RADIL: variants seen among roughly 807,000 people sequenced by gnomAD.
RADIL encodes the protein Rap associating with DIL domain.
In RADIL, 99 loss-of-function variants were observed where a neutral mutation model predicts 97.6. The ratio of observed to expected loss-of-function variants is 1.01; its 90% confidence interval spans 0.86 to 1.20. The LOEUF (loss-of-function observed/expected upper bound fraction) is 1.20. RADIL is among the 50% of genes most tolerant of loss of function. The pLI is 0.00. For synonymous variants in RADIL, 803 were observed against 691.8 expected, an observed-to-expected ratio of 1.16 and a Z score of -2.52; for missense variants, 1,765 against 1,498.9, an observed-to-expected ratio of 1.18 and a Z score of -2.93.
chr7:4,799,618 C>G lies in RADIL; in HGVS notation c.3122+12G>C. The G allele has an allele frequency of 6.2e-7, 1 of 1,604,898 alleles. No individual in the cohort carries two copies. Among genetic ancestry groups the G allele is most frequent in the Non-Finnish European group, 8.5e-7 (1 of 1,175,522 alleles). ...TGGGAGAAGGGGCCGGGCGTGCATGCGGTGGGGGTACCTCAGGTAGCCAAG... is the reference window on the plus strand; with the variant it reads ...TGGGAGAAGGGGCCGGGCGTGCATGGGGTGGGGGTACCTCAGGTAGCCAAG... On this transcript the variant is annotated intron_variant, in intron 14 of 14. Coordinates refer to ENST00000399583, the MANE Select transcript of RADIL (RefSeq NM_018059.5).
chr7:4,829,960 T>A (rs1255581694), intron 5 of RADIL, among the ~76,000 whole-genome samples: 1 of 152,204 alleles, frequency 6.6e-6, no homozygotes, highest in East Asian at 1.9e-4. Flanking sequence ...CGCAAACCTC[T>A]GTGTACCACA....
At chr7:4,845,953 C>G (rs1326821320) in intron 2 of RADIL, among the ~76,000 whole-genome samples, 1 of 152,102 alleles carries the variant, frequency 6.6e-6, no homozygotes, top group Non-Finnish European at 1.5e-5. Context: ...CCCCGGGAAG[C>G]TGTGAGCCCT....
rs1329169844 is a variant in RADIL at position 4,849,100 on chromosome 7, T to G, written c.536-12495A>C. 6.7e-6 allele frequency among the ~76,000 whole-genome samples: 1 copy of G among 149,354 alleles called. No individual in the cohort carries two copies. Among genetic ancestry groups the G allele is most frequent in the Non-Finnish European group, 1.5e-5 (1 of 67,716 alleles). On this transcript the variant is annotated intron_variant, in intron 2 of 14. Transcript: ENST00000399583. The surrounding 1 kb of genome is among the most constrained non-coding windows in gnomAD (Gnocchi z 5.4). ...TTGTGGTGAGCCGAGATCGTGCCAT[T>G]GCACTCCAGCCTGGGCAACAAGAGG...
chr7:4,879,169 C>A lies in RADIL; in HGVS notation c.-64-966G>T, dbSNP rs368185312. Among the ~76,000 whole-genome samples the A allele has an allele frequency of 3.3e-5, 5 of 152,326 alleles. No homozygotes were observed. The highest frequency in any genetic ancestry group is 3.9e-4 in the East Asian group (2 of 5,164). On this transcript the variant is annotated intron_variant, in intron 1 of 14. Coordinates refer to ENST00000399583, the MANE Select transcript of RADIL (RefSeq NM_018059.5). This position sits in a 1 kb window ranked among gnomAD's most constrained non-coding sequence, Gnocchi z 4.1. The stretch of plus-strand genomic sequence containing the variant: ...CAGGCGTCCCGCCCACCACAGGCCG[C>A]GGGTGCCCGGCGCTCCAGGCCACAG...
At chr7:4,850,682 G>A (rs987305677) in intron 2 of RADIL, among the ~76,000 whole-genome samples, 1 of 152,122 alleles carries the variant, frequency 6.6e-6, no homozygotes, top group Non-Finnish European at 1.5e-5. Flanking sequence ...GAGATGCAGA[G>A]ACTTCAGTCC....
In RADIL at chr7:4,817,078, T is replaced by C. The variant is rs1401618981; in HGVS notation, c.1728+161A>G. On this transcript the variant is annotated intron_variant, in intron 7 of 14. Coordinates refer to ENST00000399583, the MANE Select transcript of RADIL (RefSeq NM_018059.5). The surrounding 1 kb of genome is among the most constrained non-coding windows in gnomAD (Gnocchi z 8.3). ...CGGGTGTGGGGGGTGCAGCTGGGCC[T>C]GTGCAGAACCTGCAGCCACTGCTCC... 1.3e-5 allele frequency among the ~76,000 whole-genome samples: 2 copies of C among 152,136 alleles called. No individual in the cohort carries two copies. The highest frequency in any genetic ancestry group is 4.8e-5 in the African/African-American group (2 of 41,436).
chr7:4,812,490 C>T (rs1009302061), intron 9 of RADIL, among the ~76,000 whole-genome samples: 3 of 151,928 alleles, frequency 2.0e-5, no homozygotes, highest in Admixed American at 1.3e-4. Flanking sequence ...GGCATGATCT[C>T]GGCTCACTGC....
chr7:4,849,726 C>T lies in RADIL; in HGVS notation c.536-13121G>A, dbSNP rs1344612794. On this transcript the variant is annotated intron_variant, in intron 2 of 14. Transcript: ENST00000399583. This position sits in a 1 kb window ranked among gnomAD's most constrained non-coding sequence, Gnocchi z 5.4. ...ACTGTGTGGGGAGTGTGGACAGGGACGGCTCTCATTTGAAAAGACTTAGAA... is the reference window on the plus strand; with the variant it reads ...ACTGTGTGGGGAGTGTGGACAGGGATGGCTCTCATTTGAAAAGACTTAGAA... 3.3e-5 allele frequency among the ~76,000 whole-genome samples: 5 copies of T among 152,126 alleles called. No homozygotes were observed. Among genetic ancestry groups the T allele is most frequent in the Non-Finnish European group, 5.9e-5 (4 of 68,018 alleles).
intron 13 of RADIL, 86 bp from the exon 14 acceptor site, chr7:4,799,855 ACAGGCCCCCGCCTGGCATCCAGC>A (rs1395555626): frequency 7.0e-7 from 1 of 1,431,296 alleles, no homozygotes; most frequent in Non-Finnish European, 9.1e-7. Context: ...CTTGGCACCT[ACAGGCCCCCGCCTGGCATCCAGC>A]CAGGCCCACT....
At position 4,831,801 on chromosome 7, in the gene RADIL, T is replaced by C. The variant is rs568657757; in HGVS notation, c.1454+340A>G. ...TACTCGGGAAGCTGAGGCAAGAGAA[T>C]CCCTTGAACCTGGGAGGTGTAGGTT... On this transcript the variant is annotated intron_variant, in intron 5 of 14. Transcript: ENST00000399583. 5.9e-5 allele frequency among the ~76,000 whole-genome samples: 9 copies of C among 151,644 alleles called. No homozygotes were observed. In the East Asian group the frequency reaches 1.4e-3, roughly 23 times the overall value.
rs1410058757 is a variant in RADIL, at chr7:4,881,143, C to T, written c.-65+2453G>A. Among the ~76,000 whole-genome samples the T allele has an allele frequency of 2.9e-5, 4 of 137,680 alleles. No homozygotes were observed. In the South Asian group the frequency reaches 7.2e-4, roughly 25 times the overall value. The allele number at this position is 137,680 out of a possible 152,430, so 90.3% of individuals were successfully genotyped here. A position where few individuals can be genotyped will look rare whatever the true frequency, so the allele number is the denominator to read the frequency against. ...AAAAAAAAAAAAAGATGGCTGGGCA[C>T]GGTGGCTCACGCTTGTAATCCCAGC... On this transcript the variant is annotated intron_variant, in intron 1 of 14. Transcript: ENST00000399583.
chr7:4,808,737 C>A (rs1023986473), intron 9 of RADIL: 1 of 962,792 alleles, frequency 1.0e-6, no homozygotes, highest in Non-Finnish European at 1.2e-6. Flanking sequence ...ACTGCCCCTC[C>A]GCGTCTCCTT....
rs766194793 is a variant in RADIL at position 4,801,836 on chromosome 7, G to A, written c.2659C>T (p.Arg887Cys). 19 of 1,603,354 alleles carry A rather than the reference G, an allele frequency of 1.2e-5. 1 individual carries two copies. The Middle Eastern group carries it at 5.0e-4, about 42-fold the overall frequency. Residue 887 changes from arginine (R) to cysteine (C), a missense_variant, in exon 12 of 15, where the codon CGT becomes TGT. Physicochemically the swap from Arg to Cys is radical, Grantham distance 180. Transcript: ENST00000399583. Reference protein sequence around the residue: ...AQAPPGRQPSRGGSQAGPPHT... With the variant: ...AQAPPGRQPSCGGSQAGPPHT... ...GGGGGGCCAGCCTGGGAGCCCCCAC[G>A]GCTGGGTTGCCTTCCAGGGGGGGCC... is the stretch of plus-strand genomic sequence containing the variant.
chr7:4,879,024 G>C lies in RADIL; in HGVS notation c.-64-821C>G, dbSNP rs1188458719. Among the ~76,000 whole-genome samples, 1 of 152,208 alleles carries C rather than the reference G, an allele frequency of 6.6e-6. No homozygotes were observed. Among genetic ancestry groups the C allele is most frequent in the Non-Finnish European group, 1.5e-5 (1 of 68,038 alleles). ...ACAAACCCCCAGAATCTACCCCTCA[G>C]GGCAAGAGACCCGTCCTGGCTTGAA... On this transcript the variant is annotated intron_variant, in intron 1 of 14. Transcript: ENST00000399583. This position sits in a 1 kb window ranked among gnomAD's most constrained non-coding sequence, Gnocchi z 4.1.
intron 10 of RADIL, among the ~76,000 whole-genome samples, chr7:4,804,819 G>A (rs967869982): frequency 2.0e-5 from 3 of 151,874 alleles, no homozygotes; most frequent in African/African-American, 7.3e-5. Flanking sequence ...CCCTCGGCCA[G>A]GCACGGTGGC....
chr7:4,811,352 C>G (rs774250737), intron 9 of RADIL: 1 of 152,256 alleles, frequency 6.6e-6, no homozygotes. Flanking sequence ...ATCTTTCATG[C>G]GTAATTCTCT....
chr7:4,801,796 G>A lies in RADIL; in HGVS notation c.2699C>T (p.Ser900Phe). ...AGTGCTGGGAGGCGTGAGCAAGCAGGACGAGTCCGTGTGCGGGGGGCCAGC... is the reference window on the plus strand; with the variant it reads ...AGTGCTGGGAGGCGTGAGCAAGCAGAACGAGTCCGTGTGCGGGGGGCCAGC... ...SQAGPPHTDS[S>F]CLLTPPSTPL... is the part of the protein sequence containing the mutation. The change falls in exon 12 of 15, where the codon TCC becomes TTC. Residue 900 changes from serine (S) to phenylalanine (F), a missense_variant. Transcript: ENST00000399583. The A allele has an allele frequency of 1.9e-6, 3 of 1,609,772 alleles. No individual in the cohort carries two copies. Among genetic ancestry groups the A allele is most frequent in the Admixed American group, 1.7e-5 (1 of 59,704 alleles).
Position 4,815,266 on chromosome 7 carries a change from G to A in RADIL, c.2139+12C>T. 1 of 1,537,738 alleles carries A rather than the reference G, an allele frequency of 6.5e-7. No homozygotes were observed. The highest frequency in any genetic ancestry group is 1.2e-5 in the South Asian group (1 of 83,386). On this transcript the variant is annotated intron_variant, in intron 9 of 14. Coordinates refer to ENST00000399583, the MANE Select transcript of RADIL (RefSeq NM_018059.5). The surrounding 1 kb of genome is among the most constrained non-coding windows in gnomAD (Gnocchi z 8.0). ...CCTCCCCACACTCGCCGCCTCCCAT[G>A]CGCACCCCTACCTGGATGAGCTGGG...
rs1427525229 is a variant in RADIL, at chr7:4,880,187, G to A, written c.-64-1984C>T. Among the ~76,000 whole-genome samples the A allele has an allele frequency of 6.6e-6, 1 of 152,100 alleles. No individual in the cohort carries two copies. Among genetic ancestry groups the A allele is most frequent in the Non-Finnish European group, 1.5e-5 (1 of 68,026 alleles). ...AGGTCATAAGCAGATGGAGCCTTGA[G>A]GTTCCATCGAGCCAGGCCATAAAGG... is the stretch of plus-strand genomic sequence containing the variant. On this transcript the variant is annotated intron_variant, in intron 1 of 14. Transcript: ENST00000399583. This position sits in a 1 kb window ranked among gnomAD's most constrained non-coding sequence, Gnocchi z 4.5.
Sources: gnomAD v4.1 joint callset for allele counts (sites outside exome capture counted in the v4.1 genomes callset) on GRCh38, gnomAD v4.1.1 for gene constraint, Gnocchi (gnomAD v3.1) non-coding constraint, MANE v1.5 for transcripts, NCBI Gene and HGNC (gene_info 2026-07-23, HGNC 2026-07-21) for gene names.